TPD52: variants seen among roughly 807,000 people sequenced by gnomAD.
The protein encoded by TPD52 is prostate and colon associated protein.
Under a neutral mutation model 31.3 loss-of-function variants are expected in TPD52, and 17 were observed. That is an observed-to-expected ratio of 0.54 (90% CI 0.37 to 0.82). The LOEUF is 0.82. TPD52 is among the 40% of genes least tolerant of loss of function. The probability of loss-of-function intolerance (pLI) is 0.00; values close to 1 mark genes in which losing one functional copy is unlikely to be tolerated. For missense variants in TPD52, 212 were observed against 240.1 expected (o/e 0.88, Z 0.77); for synonymous variants, 83 against 89.6 (o/e 0.93, Z 0.42).
chr8:80,076,440 G>A (rs1015344791), intron 1 of TPD52, among the ~76,000 whole-genome samples: 10 of 152,058 alleles, frequency 6.6e-5, no homozygotes, highest in African/African-American at 2.4e-4. Flanking sequence ...ACTTATAAGT[G>A]GGGGCAAAAT....
chr8:80,142,755 T>C lies in TPD52; in HGVS notation c.19+28670A>G, dbSNP rs1809923623. 2.6e-5 allele frequency among the ~76,000 whole-genome samples: 4 copies of C among 152,118 alleles called. 1 individual carries two copies. In the South Asian group the frequency reaches 8.3e-4, roughly 32 times the overall value. ...GGGCAGAACTCAACCTTCCCTTCCT[T>C]ACCCCTACACTCTCCCTTACAGTCC... On this transcript the variant is annotated intron_variant, in intron 1 of 7. Coordinates refer to ENST00000518937, the MANE Select transcript of TPD52 (RefSeq NM_001025253.3).
chr8:80,036,671 T>C lies in TPD52; in HGVS notation c.*1445A>G, dbSNP rs1809933175. 1 of 152,588 alleles carries C rather than the reference T, an allele frequency of 6.6e-6. No individual in the cohort carries two copies. Among genetic ancestry groups the C allele is most frequent in the Non-Finnish European group, 1.5e-5 (1 of 68,008 alleles). The allele number at this position is 152,588 out of a possible 1,614,324, so 9.5% of individuals were successfully genotyped here. ...GCATCCAAAGTACTAACAAAAACTC[T>C]AGCAATCAAGAATGGCAGCATGTTA... is the stretch of plus-strand genomic sequence containing the variant. On this transcript the variant is annotated 3_prime_UTR_variant, in exon 8 of 8. Coordinates refer to ENST00000518937, the MANE Select transcript of TPD52 (RefSeq NM_001025253.3).
At chr8:80,144,388 T>C (rs1402564636) in intron 1 of TPD52, among the ~76,000 whole-genome samples, 2 of 152,044 alleles carry the variant, frequency 1.3e-5, no homozygotes, top group East Asian at 3.9e-4. Context: ...GGACAGCCCA[T>C]AAAAAAACTA....
intron 5 of TPD52, among the ~76,000 whole-genome samples, chr8:80,045,948 G>A (rs1810798282): frequency 6.6e-6 from 1 of 152,076 alleles, no homozygotes; most frequent in Admixed American, 6.6e-5. Context: ...CTTGTCCCGG[G>A]GACCCACACA....
intron 2 of TPD52, 86 bp downstream of exon 2, chr8:80,064,392 T>C (rs1812887451): frequency 2.7e-6 from 3 of 1,099,784 alleles, no homozygotes; most frequent in East Asian, 4.7e-5. Flanking sequence ...GAACTAACTA[T>C]AAACATATCA....
chr8:80,049,017 C>T (rs115586696), intron 5 of TPD52, among the ~76,000 whole-genome samples: 4,068 of 152,144 alleles, frequency 0.027, 208 homozygotes, highest in African/African-American at 0.092. Context: ...ACACACTGAG[C>T]CATATCTAGG....
At chr8:80,152,305 G>C (rs1253572406) in intron 1 of TPD52, among the ~76,000 whole-genome samples, 2 of 152,180 alleles carry the variant, frequency 1.3e-5, no homozygotes, top group Non-Finnish European at 2.9e-5. Flanking sequence ...ACCCTTGATA[G>C]TACCTGACAG....
At chr8:80,116,877 A>C (rs573288229) in intron 1 of TPD52, among the ~76,000 whole-genome samples, 1 of 152,350 alleles carries the variant, frequency 6.6e-6, no homozygotes, top group South Asian at 2.1e-4. Flanking sequence ...TAATCATATC[A>C]ATAGATAAAG....
In TPD52 at chr8:80,171,480, C is replaced by T. The variant is rs748361658; in HGVS notation, c.-37G>A. On this transcript the variant is annotated 5_prime_UTR_variant, in exon 1 of 8. Coordinates refer to ENST00000518937, the MANE Select transcript of TPD52 (RefSeq NM_001025253.3). ...GCCGCCTCGTGTCCTCTGCAGCACCCCCGCCTGCAGCCCGTCCCGGCTCGG... is the reference window on the plus strand; with the variant it reads ...GCCGCCTCGTGTCCTCTGCAGCACCTCCGCCTGCAGCCCGTCCCGGCTCGG... The T allele has an allele frequency of 1.9e-6, 3 of 1,561,626 alleles. No individual in the cohort carries two copies. The highest frequency in any genetic ancestry group is 2.3e-5 in the South Asian group (2 of 87,034).
chr8:80,102,990 G>A (rs1387998958), intron 1 of TPD52, among the ~76,000 whole-genome samples: 1 of 152,130 alleles, frequency 6.6e-6, no homozygotes, highest in Non-Finnish European at 1.5e-5. Flanking sequence ...CATGCTCAAA[G>A]GAGACATGGA....
chr8:80,052,630 C>T (rs1301437273), intron 3 of TPD52: 12 of 1,288,726 alleles, frequency 9.3e-6, no homozygotes, highest in South Asian at 1.2e-5. Flanking sequence ...GCTCTCAATA[C>T]AGAAGACAGA....
intron 1 of TPD52, among the ~76,000 whole-genome samples, chr8:80,107,786 G>C (rs1188291154): frequency 6.6e-6 from 1 of 151,978 alleles, no homozygotes; most frequent in African/African-American, 2.4e-5. Flanking sequence ...ATTTACATAA[G>C]TCTGTGGTAA....
At chr8:80,125,636 T>C (rs777012155) in intron 1 of TPD52, among the ~76,000 whole-genome samples, 2 of 152,170 alleles carry the variant, frequency 1.3e-5, no homozygotes, top group African/African-American at 2.4e-5. Context: ...GTCTTGATTA[T>C]AGAATCAATA....
intron 1 of TPD52, among the ~76,000 whole-genome samples, chr8:80,152,243 C>CG (rs1280385156): frequency 1.3e-5 from 2 of 152,062 alleles, no homozygotes; most frequent in East Asian, 3.9e-4. Flanking sequence ...GAGAGCTGAC[C>CG]GGGGAGAGAG....
At chr8:80,102,826 G>A (rs1563627870) in intron 1 of TPD52, among the ~76,000 whole-genome samples, 1 of 152,138 alleles carries the variant, frequency 6.6e-6, no homozygotes, top group Non-Finnish European at 1.5e-5. Context: ...TGTTGGGAGG[G>A]GAGAGGGGCT....
intron 3 of TPD52, chr8:80,053,007 A>G (rs371318401): frequency 3.9e-5 from 11 of 284,686 alleles, no homozygotes; most frequent in African/African-American, 1.8e-4. Context: ...CAAAATGTAC[A>G]TATTTGTGGC....
At chr8:80,033,517 G>A (rs542162945), downstream of TPD52, among the ~76,000 whole-genome samples, 2 of 152,234 alleles carry the variant, frequency 1.3e-5, no homozygotes, top group South Asian at 2.1e-4. Context: ...GGAATCCCAA[G>A]GTCTGGGTCC....
In TPD52 at chr8:80,121,835, T is replaced by C. The variant is rs1188149935; in HGVS notation, c.19+49590A>G. 2.0e-5 allele frequency among the ~76,000 whole-genome samples: 3 copies of C among 152,348 alleles called. No homozygotes were observed. The East Asian group carries it at 5.8e-4, about 29-fold the overall frequency. On this transcript the variant is annotated intron_variant, in intron 1 of 7. Transcript: ENST00000518937. ...GCTCCAGTCTGGCTTTATCCCTTTC[T>C]TTATTCATTTACAAGGTTTTTTCAT...
At chr8:80,112,749 C>G (rs1454629910) in intron 1 of TPD52, among the ~76,000 whole-genome samples, 1 of 152,034 alleles carries the variant, frequency 6.6e-6, no homozygotes, top group Admixed American at 6.6e-5. Context: ...CATCAGCAAC[C>G]CCCCAACCCA....
Sources: gnomAD v4.1 joint callset for allele counts (sites outside exome capture counted in the v4.1 genomes callset) on GRCh38, gnomAD v4.1.1 for gene constraint, MANE v1.5 for transcripts, NCBI Gene and HGNC (gene_info 2026-07-23, HGNC 2026-07-21) for gene names.